The following SIGLEC1 variants were observed in gnomAD, a reference collection of about 807,000 sequenced individuals.
The protein encoded by SIGLEC1 is sialoadhesin.
In SIGLEC1, 132 loss-of-function variants were observed where a neutral mutation model predicts 148.0. That is an observed-to-expected ratio of 0.89 (90% CI 0.77 to 1.03). The LOEUF is 1.03. Among genes scored for constraint, SIGLEC1 ranks in the 50% least tolerant of loss-of-function variants. SIGLEC1 has a pLI of 0.00. For synonymous variants in SIGLEC1, 945 were observed against 969.0 expected (o/e 0.98, Z 0.46); for missense variants, 2,253 against 2,271.4 (o/e 0.99, Z 0.16).
At position 3,698,097 on chromosome 20, in the gene SIGLEC1, T is replaced by C; in HGVS notation, c.1823A>G (p.Asp608Gly). ...AGCCCCGGCCCCAGCGGCATCAAGG[T>C]CCAGCCTGGTGGTGAATGTTGGTTG... ...PRQPTFTTRL[D>G]LDAAGAGAGR... is the part of the protein sequence containing the mutation. The change falls in exon 9 of 22, where the codon GAC (aspartate) becomes GGC (glycine). Residue 608 changes from aspartate (D) to glycine (G), a missense_variant. Asp to Gly is a moderately conservative substitution (Grantham distance 94, BLOSUM62 -1). Coordinates refer to ENST00000344754, the MANE Select transcript of SIGLEC1 (RefSeq NM_023068.4). 1 of 1,606,052 alleles carries C rather than the reference T, an allele frequency of 6.2e-7. No homozygotes were observed. Among genetic ancestry groups the C allele is most frequent in the Non-Finnish European group, 8.5e-7 (1 of 1,177,654 alleles).
chr20:3,703,885 AGGT>A lies in SIGLEC1; in HGVS notation c.910_912del (p.Thr304del), dbSNP rs757130647. ...GAGCCCACGCCGTTCTCAGCTTGGC[AGGT>A]GTAGACGCCAGCATCGCTCCAGGCT... On this transcript the variant is annotated inframe_deletion, in exon 5 of 22. Transcript: ENST00000344754. The A allele has an allele frequency of 3.1e-6, 5 of 1,613,976 alleles. No individual in the cohort carries two copies. Among genetic ancestry groups the A allele is most frequent in the Non-Finnish European group, 4.2e-6 (5 of 1,180,024 alleles).
At chr20:3,707,791 G>T (rs548638012) in intron 1 of SIGLEC1, among the ~76,000 whole-genome samples, 1 of 152,238 alleles carries the variant, frequency 6.6e-6, no homozygotes, top group Non-Finnish European at 1.5e-5. Context: ...GCTCTCCGCA[G>T]ACCCACTCTG....
At chr20:3,692,227 G>T in intron 16 of SIGLEC1, 25 bp from the exon 17 acceptor site, 2 of 1,521,100 alleles carry the variant, frequency 1.3e-6, no homozygotes, top group South Asian at 1.3e-5. Context: ...GGCACAGATG[G>T]GGACCTTGCT....
chr20:3,696,284 G>A (rs2088821629), intron 11 of SIGLEC1, among the ~76,000 whole-genome samples: 1 of 152,120 alleles, frequency 6.6e-6, no homozygotes, highest in South Asian at 2.1e-4. Context: ...ATATACATAT[G>A]TATGAGAATG....
chr20:3,703,750 C>T (rs1327087442), intron 5 of SIGLEC1, 75 bp downstream of exon 5: 1 of 1,579,188 alleles, frequency 6.3e-7, no homozygotes, highest in African/African-American at 1.3e-5. Context: ...CTGCCCTGCC[C>T]TGTCTCCCCT....
chr20:3,698,791 C>T (rs1395107237), intron 8 of SIGLEC1, among the ~76,000 whole-genome samples: 13 of 152,240 alleles, frequency 8.5e-5, no homozygotes, highest in Admixed American at 7.2e-4. Flanking sequence ...GGAGCCTCCC[C>T]GCTTGGCGGA....
intron 3 of SIGLEC1, 32 bp downstream of exon 3, chr20:3,706,315 C>T: frequency 6.3e-7 from 1 of 1,581,918 alleles, no homozygotes; most frequent in Non-Finnish European, 8.6e-7. Context: ...GGAATCCCTC[C>T]CGGGGGGCAG....
intron 9 of SIGLEC1, among the ~76,000 whole-genome samples, 174 bp from the exon 10 acceptor site, chr20:3,697,516 G>A (rs374191338): frequency 1.3e-4 from 20 of 152,162 alleles, no homozygotes; most frequent in African/African-American, 4.8e-4. Context: ...GGGGACTGTG[G>A]GGGCCCTGGG....
In SIGLEC1 at chr20:3,694,841, G is replaced by T; in HGVS notation, c.2766C>A (p.Val922=). The change falls in exon 12 of 22, where the codon GTC becomes GTA. Residue 922 remains valine, a synonymous_variant. Transcript: ENST00000344754. ...VVLSCQVHTG[V]PEGTSYRWYR... is the part of the protein sequence containing the mutation. ...ACCAACGATATGAGGTCCCCTCTGG[G>T]ACTCCTGTGTGTACCTGGCAGCTCA... The T allele has an allele frequency of 6.2e-7, 1 of 1,613,472 alleles. No homozygotes were observed. Among genetic ancestry groups the T allele is most frequent in the South Asian group, 1.1e-5 (1 of 91,074 alleles).
chr20:3,702,337 G>A (rs916886179), intron 6 of SIGLEC1, among the ~76,000 whole-genome samples: 1 of 152,080 alleles, frequency 6.6e-6, no homozygotes, highest in African/African-American at 2.4e-5. Context: ...TGTAATCCCA[G>A]TACTTTGGGA....
Position 3,693,499 on chromosome 20 carries a change from G to A in SIGLEC1, c.3456C>T (p.Gly1152=). 1.9e-6 allele frequency: 3 copies of A among 1,608,608 alleles called. No homozygotes were observed. The highest frequency in any genetic ancestry group is 1.7e-6 in the Non-Finnish European group (2 of 1,177,118). ...AGAGGCGGGGTGCCCGACCAGGGGG[G>A]CCCACACCGCAGCGGTAGGAGGTGG... ...RDATSYRCGV[G]PPGRAPRLSR... is the part of the protein sequence containing the mutation. The change falls in exon 14 of 22, where the codon GGC becomes GGT. Residue 1152 remains glycine (G), a synonymous_variant. Transcript: ENST00000344754.
chr20:3,702,971 C>A, intron 6 of SIGLEC1: 1 of 566,856 alleles, frequency 1.8e-6, no homozygotes, highest in Non-Finnish European at 3.1e-6. Context: ...CATTATTTGT[C>A]TTTCTCTGCA....
At position 3,701,448 on chromosome 20, in the gene SIGLEC1, C is replaced by T; in HGVS notation, c.1422G>A (p.Leu474=). ...CCTCCAGGTCTCGGATCTCCAGGCG[C>T]AGGGAGTTGGGACCAGAGGTACCAC... ...RFSGTSGPNS[L]RLEIRDLEET... The change falls in exon 7 of 22, where the codon CTG becomes CTA. Residue 474 remains leucine (L), a synonymous_variant. Transcript: ENST00000344754. The T allele has an allele frequency of 6.2e-7, 1 of 1,614,150 alleles. No individual in the cohort carries two copies.
intron 20 of SIGLEC1, 121 bp from the exon 21 acceptor site, chr20:3,689,348 G>A (rs1278087830): frequency 1.9e-5 from 17 of 887,136 alleles, no homozygotes; most frequent in Admixed American, 1.4e-4. Context: ...ATGGAGAGTG[G>A]GTGCTTCCTC....
rs933106602 is a variant in SIGLEC1, at chr20:3,706,818, G to T, written c.50-112C>A. On this transcript the variant is annotated intron_variant, in intron 2 of 21. Coordinates refer to ENST00000344754, the MANE Select transcript of SIGLEC1 (RefSeq NM_023068.4). The stretch of plus-strand genomic sequence containing the variant: ...TGCCCCAGCTGGGCTCCCAAATTCT[G>T]CCCTGCCCCGAGAAATGCACACTTA... The T allele has an allele frequency of 2.4e-5, 32 of 1,312,752 alleles. No individual in the cohort carries two copies. The East Asian group carries it at 8.1e-4, about 33-fold the overall frequency. The allele number at this position is 1,312,752 out of a possible 1,614,324, so 81.3% of individuals were successfully genotyped here. A position where few individuals can be genotyped will look rare whatever the true frequency, so the allele number is the denominator to read the frequency against.
chr20:3,696,094 G>A (rs1468023947), intron 11 of SIGLEC1, among the ~76,000 whole-genome samples: 1 of 149,570 alleles, frequency 6.7e-6, no homozygotes, highest in Non-Finnish European at 1.5e-5. Flanking sequence ...CATGGTGCCC[G>A]GCCTGAGGGA....
At chr20:3,695,463 G>A (rs899366260) in intron 11 of SIGLEC1, among the ~76,000 whole-genome samples, 1 of 152,162 alleles carries the variant, frequency 6.6e-6, no homozygotes, top group Admixed American at 6.5e-5. Context: ...ACAGGACCTG[G>A]GGACCAGGCA....
At chr20:3,705,623 A>G in intron 4 of SIGLEC1, 121 bp downstream of exon 4, 1 of 1,108,412 alleles carries the variant, frequency 9.0e-7, no homozygotes, top group Non-Finnish European at 1.3e-6. Flanking sequence ...CTGGAGGCCC[A>G]GGAGCAGCCT....
intron 4 of SIGLEC1, 33 bp from the exon 5 acceptor site, chr20:3,704,124 T>C: frequency 2.5e-6 from 4 of 1,592,786 alleles, no homozygotes; most frequent in Non-Finnish European, 3.4e-6. Context: ...TTGGGTAAGG[T>C]GCTTGGGGAG....
Sources: gnomAD v4.1 joint callset for allele counts (sites outside exome capture counted in the v4.1 genomes callset) on GRCh38, gnomAD v4.1.1 for gene constraint, MANE v1.5 for transcripts, NCBI Gene and HGNC (gene_info 2026-07-23, HGNC 2026-07-21) for gene names.